Variants in ATRNL1 observed in about 807,000 individuals in gnomAD.
ATRNL1 encodes the protein attractin-like protein 1.
ATRNL1 carries 95 observed loss-of-function variants against 182.7 expected under a neutral mutation model. The ratio of observed to expected loss-of-function variants is 0.52; its 90% CI spans 0.44 to 0.62. ATRNL1 has a LOEUF of 0.62. Ranked by LOEUF, ATRNL1 falls within the 20% of genes least tolerant of loss-of-function variation. The probability of loss-of-function intolerance (pLI) is 0.00; values close to 1 mark genes in which losing one functional copy is unlikely to be tolerated. For synonymous variants in ATRNL1, 576 were observed against 568.3 expected (o/e 1.01, Z -0.19); for missense variants, 1,471 against 1,679.5 (o/e 0.88, Z 2.17).
intron 27 of ATRNL1, among the ~76,000 whole-genome samples, chr10:115,803,589 G>A (rs573580516): frequency 7.1e-6 from 1 of 141,032 alleles, no homozygotes; most frequent in Admixed American, 6.9e-5. Flanking sequence ...AGAAGTTTGG[G>A]TTTTTTTGTG....
At chr10:115,141,031 A>T (rs958679825) in intron 5 of ATRNL1, among the ~76,000 whole-genome samples, 1 of 152,070 alleles carries the variant, frequency 6.6e-6, no homozygotes, top group Non-Finnish European at 1.5e-5. Flanking sequence ...TTAAATTTAT[A>T]TCATTTATCC....
At chr10:115,788,430 A>G (rs1364381531) in intron 27 of ATRNL1, among the ~76,000 whole-genome samples, 6 of 152,146 alleles carry the variant, frequency 3.9e-5, no homozygotes, top group Non-Finnish European at 5.9e-5. Context: ...TTCATTTCAC[A>G]TTATAAATTA....
chr10:115,670,701 A>G (rs892371915), intron 26 of ATRNL1, among the ~76,000 whole-genome samples: 1 of 152,122 alleles, frequency 6.6e-6, no homozygotes, highest in Non-Finnish European at 1.5e-5. Context: ...TTAGAGACTA[A>G]GACCTTGTTT....
chr10:115,687,438 G>C (rs911637418), intron 26 of ATRNL1, among the ~76,000 whole-genome samples: 1 of 151,966 alleles, frequency 6.6e-6, no homozygotes, highest in South Asian at 2.1e-4. Context: ...GTTGCAAATC[G>C]CAAGATTGCC....
chr10:115,275,963 AT>A (rs1242759217), intron 13 of ATRNL1, among the ~76,000 whole-genome samples: 1 of 152,186 alleles, frequency 6.6e-6, no homozygotes, highest in African/African-American at 2.4e-5. Context: ...ATAACATCAA[AT>A]GTATAATTTC....
intron 26 of ATRNL1, among the ~76,000 whole-genome samples, chr10:115,557,394 T>C (rs73375304): frequency 0.013 from 1,938 of 151,978 alleles, 33 homozygotes; most frequent in African/African-American, 0.044. Context: ...ATTTAAGAAG[T>C]CAGAGAGAAG....
At chr10:115,201,174 A>G (rs1327868793) in intron 8 of ATRNL1, among the ~76,000 whole-genome samples, 24 of 138,412 alleles carry the variant, frequency 1.7e-4, no homozygotes, top group Admixed American at 3.9e-4. Context: ...CTCCCATTTT[A>G]TAGGTTGCCT....
At chr10:115,636,110 T>C (rs1555028010) in intron 26 of ATRNL1, among the ~76,000 whole-genome samples, 2 of 152,172 alleles carry the variant, frequency 1.3e-5, no homozygotes, top group Admixed American at 6.5e-5. Flanking sequence ...TTAGTTGAGA[T>C]ACTTACGATT....
At chr10:115,511,262 A>C (rs1850371266) in intron 24 of ATRNL1, among the ~76,000 whole-genome samples, 1 of 151,950 alleles carries the variant, frequency 6.6e-6, no homozygotes, top group South Asian at 2.1e-4. Context: ...GATCTTAGTA[A>C]CAGCTAATTT....
intron 24 of ATRNL1, among the ~76,000 whole-genome samples, chr10:115,474,286 C>T (rs1848434747): frequency 1.3e-5 from 2 of 151,368 alleles, no homozygotes; most frequent in South Asian, 4.1e-4. Context: ...CATCTCACTC[C>T]TCACCTGTGA....
intron 9 of ATRNL1, among the ~76,000 whole-genome samples, chr10:115,225,866 T>C (rs782019880): frequency 3.3e-4 from 50 of 151,186 alleles, no homozygotes; most frequent in African/African-American, 9.4e-4. Context: ...GAAATTGACA[T>C]GGTGATTCTA....
At chr10:115,259,071 G>C (rs1260324294) in intron 10 of ATRNL1, among the ~76,000 whole-genome samples, 1 of 152,152 alleles carries the variant, frequency 6.6e-6, no homozygotes, top group African/African-American at 2.4e-5. Context: ...GGCTACACGG[G>C]GGTCAGGGAC....
intron 28 of ATRNL1, among the ~76,000 whole-genome samples, chr10:115,934,237 A>G (rs1468931881): frequency 6.6e-6 from 1 of 152,184 alleles, no homozygotes; most frequent in African/African-American, 2.4e-5. Context: ...AACACTTTAC[A>G]TAGTGAGAAA....
Position 115,153,532 on chromosome 10 carries a change from G to A in ATRNL1, c.830-6508G>A, listed in dbSNP as rs199955127. ...TTATAGTATTTTCTGATGGTAGTTT[G>A]TATTTCTTTGGGATCGGTGGTGATA... On this transcript the variant is annotated intron_variant, in intron 5 of 28. Coordinates refer to ENST00000355044, the MANE Select transcript of ATRNL1 (RefSeq NM_207303.4). Among the ~76,000 whole-genome samples the A allele has an allele frequency of 2.2e-4, 34 of 152,288 alleles. 1 individual carries two copies. In the East Asian group the frequency reaches 6.4e-3, roughly 29 times the overall value.
chr10:115,618,806 T>C (rs969393642), intron 26 of ATRNL1, among the ~76,000 whole-genome samples: 3 of 152,200 alleles, frequency 2.0e-5, no homozygotes, highest in Non-Finnish European at 4.4e-5. Flanking sequence ...ATTTTGGTTT[T>C]CATGCATTTA....
At chr10:115,588,058 G>C (rs1174231613) in intron 26 of ATRNL1, among the ~76,000 whole-genome samples, 1 of 152,148 alleles carries the variant, frequency 6.6e-6, no homozygotes, top group East Asian at 1.9e-4. Context: ...TATCAGACTG[G>C]ATAATAAATG....
intron 19 of ATRNL1, among the ~76,000 whole-genome samples, chr10:115,374,150 A>T (rs1462644682): frequency 6.6e-6 from 1 of 151,652 alleles, no homozygotes; most frequent in Non-Finnish European, 1.5e-5. Flanking sequence ...CTATTTGTTG[A>T]TATAAAATTG....
At position 115,326,529 on chromosome 10, in the gene ATRNL1, G is replaced by A. The variant is rs540893107; in HGVS notation, c.3038-7753G>A. On this transcript the variant is annotated intron_variant, in intron 18 of 28. Coordinates refer to ENST00000355044, the MANE Select transcript of ATRNL1 (RefSeq NM_207303.4). ...CTGCCCAAGGTAATTTACAGATTCA[G>A]TGCCATCCCCATCAAGCTACCAATT... Among the ~76,000 whole-genome samples, 566 of 152,078 alleles carry A rather than the reference G, an allele frequency of 3.7e-3. 4 individuals carry two copies. The highest frequency in any genetic ancestry group is 5.3e-3 in the Admixed American group (81 of 15,280).
chr10:115,134,134 G>A (rs1554875952), intron 5 of ATRNL1, among the ~76,000 whole-genome samples: 2 of 152,026 alleles, frequency 1.3e-5, no homozygotes, highest in African/African-American at 4.8e-5. Context: ...AAGAACTAGA[G>A]AAGCAAGAGC....
Sources: gnomAD v4.1 joint callset for allele counts (sites outside exome capture counted in the v4.1 genomes callset) on GRCh38, gnomAD v4.1.1 for gene constraint, MANE v1.5 for transcripts, NCBI Gene and HGNC (gene_info 2026-07-23, HGNC 2026-07-21) for gene names.